The following RGP1 variants were observed in gnomAD, a reference collection of about 807,000 sequenced individuals.
RGP1 encodes RAB6A-GEF complex partner protein 2.
RGP1 carries 28 observed loss-of-function variants against 44.5 expected under a neutral mutation model. The ratio of observed to expected loss-of-function variants is 0.63; its 90% CI spans 0.47 to 0.86. The LOEUF (loss-of-function observed/expected upper bound fraction) is 0.86. Among genes scored for constraint, RGP1 ranks in the 40% least tolerant of loss-of-function variants. The probability of loss-of-function intolerance (pLI) is 0.00; values close to 1 mark genes in which losing one functional copy is unlikely to be tolerated. For synonymous variants in RGP1, 212 were observed against 196.7 expected (o/e 1.08, Z -0.65); for missense variants, 417 against 490.7 (o/e 0.85, Z 1.42).
the RGP1 span, among the ~76,000 whole-genome samples, chr9:35,782,402 A>C: frequency 6.6e-6 from 1 of 152,274 alleles, no homozygotes; most frequent in East Asian, 1.9e-4. Context: ...AAACACTCAC[A>C]CAATTTTAAA....
At chr9:35,779,918 C>T in the RGP1 span, among the ~76,000 whole-genome samples, 4 of 151,952 alleles carry the variant, frequency 2.6e-5, no homozygotes, top group Admixed American at 6.6e-5. Context: ...AAAAAATTTT[C>T]TTAGAGACAG....
At chr9:35,790,213 C>T in the RGP1 span, 1 of 153,346 alleles carries the variant, frequency 6.5e-6, no homozygotes, top group Non-Finnish European at 1.5e-5. Flanking sequence ...AGTTACCAAC[C>T]CCTCTGCGTT....
chr9:35,780,308 T>C, the RGP1 span: 5 of 152,296 alleles, frequency 3.3e-5, no homozygotes, highest in East Asian at 1.9e-4. Flanking sequence ...GCATTGGACC[T>C]GAGACTGGAG....
Position 35,754,344 on chromosome 9 carries a change from G to C in RGP1, c.*1470G>C, listed in dbSNP as rs1827326998. On this transcript the variant is annotated 3_prime_UTR_variant, in exon 9 of 9. Transcript: ENST00000378078. ...CCCCCTGCTGAGTAGAGCTGGAAAA[G>C]TTGTAACTCTGTTTCCTGAGGTGAG... 1 of 496,162 alleles carries C rather than the reference G, an allele frequency of 2.0e-6. No homozygotes were observed. The highest frequency in any genetic ancestry group is 3.6e-5 in the East Asian group (1 of 27,828). The allele number at this position is 496,162 out of a possible 1,614,324, so 30.7% of individuals were successfully genotyped here. A position where few individuals can be genotyped will look rare whatever the true frequency, so the allele number is the denominator to read the frequency against.
rs1050607786 is a variant in RGP1, at chr9:35,757,182, G to A, written c.*4308G>A. The stretch of plus-strand genomic sequence containing the variant: ...ATTCCGGCCCCCCCACCCCAACCCC[G>A]GCCGCTGGCCCTCTGGTGAGTCACA... On this transcript the variant is annotated 3_prime_UTR_variant, in exon 9 of 9. Coordinates refer to ENST00000378078, the MANE Select transcript of RGP1 (RefSeq NM_001080496.3). 2.0e-5 allele frequency: 3 copies of A among 149,302 alleles called. No homozygotes were observed. The highest frequency in any genetic ancestry group is 2.1e-4 in the East Asian group (1 of 4,868). 9.2% of individuals were successfully genotyped at this position (149,302 alleles called of 1,614,324 possible). A position where few individuals can be genotyped will look rare whatever the true frequency, so the allele number is the denominator to read the frequency against.
rs1827276315 is a variant in RGP1, at chr9:35,752,096, C to T, written c.903C>T (p.Phe301=). The stretch of plus-strand genomic sequence containing the variant: ...GCCTACATACAACTAGAACCAGCTT[C>T]TCCCTCCCAATCCCTCTCAGCTCCA... ...ESCLHTTRTS[F]SLPIPLSSTP... The change falls in exon 8 of 9, where the codon TTC becomes TTT. Residue 301 remains phenylalanine, a synonymous_variant. Coordinates refer to ENST00000378078, the MANE Select transcript of RGP1 (RefSeq NM_001080496.3). 1.2e-6 allele frequency: 2 copies of T among 1,601,006 alleles called. No individual in the cohort carries two copies. The highest frequency in any genetic ancestry group is 1.7e-6 in the Non-Finnish European group (2 of 1,173,110).
chr9:35,774,644 A>AC, the RGP1 span, among the ~76,000 whole-genome samples: 1 of 152,236 alleles, frequency 6.6e-6, no homozygotes, highest in South Asian at 2.1e-4. Flanking sequence ...GAGTGGCGTG[A>AC]ACCCGGGAGG....
the RGP1 span, among the ~76,000 whole-genome samples, chr9:35,784,877 G>A: frequency 6.6e-6 from 1 of 152,084 alleles, no homozygotes; most frequent in African/African-American, 2.4e-5. Context: ...CCGAGTAGCT[G>A]AAACTACAGG....
chr9:35,785,655 C>T, the RGP1 span, among the ~76,000 whole-genome samples: 2 of 152,136 alleles, frequency 1.3e-5, no homozygotes, highest in Non-Finnish European at 2.9e-5. Flanking sequence ...GAAGGCAGAG[C>T]AAGAACTGGC....
downstream of RGP1, among the ~76,000 whole-genome samples, chr9:35,759,101 C>T (rs972378025): frequency 8.5e-5 from 13 of 152,128 alleles, no homozygotes; most frequent in East Asian, 1.9e-4. Flanking sequence ...TACAAGAAAA[C>T]GCATTCTCAA....
At position 35,757,195 on chromosome 9, in the gene RGP1, C is replaced by G. The variant is rs1169216158; in HGVS notation, c.*4321C>G. 5 of 152,148 alleles carry G rather than the reference C, an allele frequency of 3.3e-5. No homozygotes were observed. Among genetic ancestry groups the G allele is most frequent in the Non-Finnish European group, 5.9e-5 (4 of 68,112 alleles). 9.4% of individuals were successfully genotyped at this position (152,148 alleles called of 1,614,324 possible). ...CACCCCAACCCCGGCCGCTGGCCCT[C>G]TGGTGAGTCACAGCCGACCCCCGCC... On this transcript the variant is annotated 3_prime_UTR_variant, in exon 9 of 9. Transcript: ENST00000378078.
intron 5 of RGP1, 85 bp from the exon 6 acceptor site, chr9:35,751,181 A>G (rs920612972): frequency 1.3e-6 from 2 of 1,531,746 alleles, no homozygotes; most frequent in Non-Finnish European, 1.8e-6. Flanking sequence ...ACCTTTAGCC[A>G]TCTCATGTTA....
the RGP1 span, among the ~76,000 whole-genome samples, chr9:35,767,888 C>T: frequency 3.3e-5 from 5 of 152,162 alleles, no homozygotes; most frequent in South Asian, 4.2e-4. Context: ...TTGCAGCCTC[C>T]GCCTCCCAGG....
the RGP1 span, among the ~76,000 whole-genome samples, chr9:35,782,129 G>A: frequency 5.9e-5 from 9 of 151,842 alleles, no homozygotes; most frequent in Admixed American, 3.3e-4. Flanking sequence ...TGAGATTACA[G>A]GCGCCTGCCA....
chr9:35,780,843 A>C, the RGP1 span, among the ~76,000 whole-genome samples: 1 of 152,184 alleles, frequency 6.6e-6, no homozygotes, highest in Non-Finnish European at 1.5e-5. Context: ...CAGTGAGCCA[A>C]GATGGCGCCA....
Position 35,751,429 on chromosome 9 carries a change from A to G in RGP1, c.634+17A>G. ...GCAGCCTCCGTGAGAATTCTTTCAG[A>G]ATTGTCCTACCCCATCCTTCCCCTC... On this transcript the variant is annotated intron_variant, in intron 6 of 8. Coordinates refer to ENST00000378078, the MANE Select transcript of RGP1 (RefSeq NM_001080496.3). The G allele has an allele frequency of 6.2e-7, 1 of 1,613,884 alleles. No homozygotes were observed. Among genetic ancestry groups the G allele is most frequent in the East Asian group, 2.2e-5 (1 of 44,886 alleles).
chr9:35,775,265 G>T, the RGP1 span, among the ~76,000 whole-genome samples: 1 of 152,192 alleles, frequency 6.6e-6, no homozygotes, highest in African/African-American at 2.4e-5. Context: ...AGCTGGCTGT[G>T]AATATGGTGG....
chr9:35,753,049 C>A lies in RGP1; in HGVS notation c.*175C>A. The A allele has an allele frequency of 6.3e-7, 1 of 1,596,420 alleles. No individual in the cohort carries two copies. Among genetic ancestry groups the A allele is most frequent in the South Asian group, 1.1e-5 (1 of 89,964 alleles). Reference sequence around the variant, plus strand: ...ACATTGGCAGCTGCTAGTGGTTTCCCTGGAAGTGGCAGCAGCAGTGAGCAG... The same window carrying A: ...ACATTGGCAGCTGCTAGTGGTTTCCATGGAAGTGGCAGCAGCAGTGAGCAG... On this transcript the variant is annotated 3_prime_UTR_variant, in exon 9 of 9. Transcript: ENST00000378078. The surrounding 1 kb of genome is among the most constrained non-coding windows in gnomAD (Gnocchi z 4.2).
chr9:35,751,213 A>G, intron 5 of RGP1, 53 bp from the exon 6 acceptor site: 2 of 1,600,054 alleles, frequency 1.2e-6, no homozygotes, highest in Admixed American at 1.7e-5. Flanking sequence ...CCTAACCTCT[A>G]CTCTCATCTC....
Sources: allele counts gnomAD v4.1 joint callset (sites outside exome capture counted in the v4.1 genomes callset), GRCh38; gene constraint gnomAD v4.1.1; non-coding constraint Gnocchi (gnomAD v3.1); transcripts MANE v1.5; gene names NCBI Gene and HGNC (gene_info 2026-07-23, HGNC 2026-07-21).